The following NKAIN2 variants were observed in gnomAD, a reference collection of about 807,000 sequenced individuals.
NKAIN2 encodes the protein sodium/potassium-transporting ATPase subunit beta-1-interacting protein 2.
In NKAIN2, 14 loss-of-function variants were observed where a neutral mutation model predicts 32.6. The observed-to-expected ratio is 0.43, with a 90% CI of 0.28 to 0.67. NKAIN2 has a LOEUF of 0.67. Ranked by LOEUF, NKAIN2 falls within the 30% of genes least tolerant of loss-of-function variation. The pLI, the probability that NKAIN2 is intolerant of heterozygous loss-of-function variation, is 0.17. For synonymous variants in NKAIN2, 80 were observed against 87.2 expected, an observed-to-expected ratio of 0.92 and a Z score of 0.46; for missense variants, 198 against 258.3, an observed-to-expected ratio of 0.77 and a Z score of 1.60.
chr6:124,417,118 A>G (rs1583219912), intron 3 of NKAIN2, among the ~76,000 whole-genome samples: 1 of 152,238 alleles, frequency 6.6e-6, no homozygotes, highest in South Asian at 2.1e-4. Context: ...ATGAGAAAAG[A>G]TGATAAATAG....
chr6:124,648,024 T>A (rs1390889440), intron 3 of NKAIN2, among the ~76,000 whole-genome samples: 1 of 152,184 alleles, frequency 6.6e-6, no homozygotes, highest in Non-Finnish European at 1.5e-5. Flanking sequence ...GAAGAGAGAC[T>A]TCAATATTGA....
intron 1 of NKAIN2, among the ~76,000 whole-genome samples, chr6:124,039,070 T>C (rs991545098): frequency 6.6e-6 from 1 of 152,116 alleles, no homozygotes. Flanking sequence ...ATAGGATCTT[T>C]TTAACATCTG....
intron 3 of NKAIN2, among the ~76,000 whole-genome samples, chr6:124,600,986 G>A (rs542634087): frequency 6.6e-6 from 1 of 152,154 alleles, no homozygotes; most frequent in African/African-American, 2.4e-5. Flanking sequence ...TGAAAGCACT[G>A]ACCTTCTGCT....
chr6:124,134,098 A>T (rs185355272), intron 1 of NKAIN2, among the ~76,000 whole-genome samples: 6 of 149,228 alleles, frequency 4.0e-5, no homozygotes, highest in Non-Finnish European at 7.4e-5. Context: ...ATACCAAGAA[A>T]AAGGTGAAAA....
intron 3 of NKAIN2, among the ~76,000 whole-genome samples, chr6:124,417,085 G>A (rs1774522855): frequency 6.6e-6 from 1 of 152,114 alleles, no homozygotes; most frequent in East Asian, 1.9e-4. Context: ...AGCATATTAA[G>A]AATTAGGCAG....
chr6:124,674,689 T>A (rs992971814), intron 4 of NKAIN2, among the ~76,000 whole-genome samples: 2 of 152,054 alleles, frequency 1.3e-5, no homozygotes, highest in East Asian at 3.8e-4. Context: ...TACAACTGAT[T>A]TTTTTGTGTT....
At chr6:124,041,255 A>G (rs1351108495) in intron 1 of NKAIN2, among the ~76,000 whole-genome samples, 1 of 151,974 alleles carries the variant, frequency 6.6e-6, no homozygotes, top group Non-Finnish European at 1.5e-5. Context: ...GCATGCTTTT[A>G]ATGATCATTA....
chr6:123,899,749 G>T (rs946309570), intron 1 of NKAIN2, among the ~76,000 whole-genome samples: 7 of 152,144 alleles, frequency 4.6e-5, no homozygotes, highest in African/African-American at 1.7e-4. Flanking sequence ...GAGAGGTGGG[G>T]ATTGTGACTT....
intron 1 of NKAIN2, among the ~76,000 whole-genome samples, chr6:124,117,598 CAT>C (rs1310218910): frequency 6.6e-6 from 1 of 152,086 alleles, no homozygotes; most frequent in Non-Finnish European, 1.5e-5. Context: ...AAGGTCTTAA[CAT>C]ATGTAACAAA....
chr6:124,424,672 T>G (rs1442584607), intron 3 of NKAIN2, among the ~76,000 whole-genome samples: 2 of 151,960 alleles, frequency 1.3e-5, no homozygotes, highest in Non-Finnish European at 2.9e-5. Context: ...TCATGCAATG[T>G]TTTTCTTTTT....
At chr6:123,827,258 G>T (rs1353620328) in intron 1 of NKAIN2, among the ~76,000 whole-genome samples, 1 of 152,138 alleles carries the variant, frequency 6.6e-6, no homozygotes, top group South Asian at 2.1e-4. Flanking sequence ...TGGTGTTGAA[G>T]TGTATTAATG....
chr6:124,561,133 T>C (rs564350653), intron 3 of NKAIN2, among the ~76,000 whole-genome samples: 1 of 152,252 alleles, frequency 6.6e-6, no homozygotes, highest in South Asian at 2.1e-4. Context: ...GAATGATTAC[T>C]GAGGGGAAAA....
At chr6:124,662,220 A>C (rs529792335) in intron 4 of NKAIN2, among the ~76,000 whole-genome samples, 24 of 152,314 alleles carry the variant, frequency 1.6e-4, no homozygotes, top group Non-Finnish European at 2.9e-4. Context: ...CACATTTATT[A>C]TGCACATATT....
intron 3 of NKAIN2, among the ~76,000 whole-genome samples, chr6:124,473,427 A>G (rs1346400667): frequency 6.6e-6 from 1 of 152,170 alleles, no homozygotes; most frequent in African/African-American, 2.4e-5. Flanking sequence ...AATAAGATAT[A>G]CAGATTGTGT....
chr6:124,247,046 C>G (rs978722520), intron 1 of NKAIN2, among the ~76,000 whole-genome samples: 9 of 152,076 alleles, frequency 5.9e-5, no homozygotes, highest in African/African-American at 1.9e-4. Flanking sequence ...ATTTCAGAAC[C>G]AGCAGGGAGA....
chr6:124,791,325 C>A lies in NKAIN2; in HGVS notation c.475-14C>A. 6.2e-7 allele frequency: 1 copy of A among 1,604,302 alleles called. No homozygotes were observed. The highest frequency in any genetic ancestry group is 8.5e-7 in the Non-Finnish European group (1 of 1,172,530). ...CCTTTTTCTGATGTCTAAAGCATCTCTGTTTTGTTTCAGCTGGCAGGTTTC... is the reference window on the plus strand; with the variant it reads ...CCTTTTTCTGATGTCTAAAGCATCTATGTTTTGTTTCAGCTGGCAGGTTTC... On this transcript the variant is annotated splice_polypyrimidine_tract_variant and intron_variant, in intron 4 of 6. Transcript: ENST00000368417.
At chr6:123,893,377 A>G (rs985975587) in intron 1 of NKAIN2, among the ~76,000 whole-genome samples, 8 of 152,106 alleles carry the variant, frequency 5.3e-5, no homozygotes, top group African/African-American at 1.9e-4. Flanking sequence ...ATTAAAAACA[A>G]AAATTCTTTT....
intron 1 of NKAIN2, among the ~76,000 whole-genome samples, chr6:124,187,068 A>G (rs888729631): frequency 6.6e-6 from 1 of 152,148 alleles, no homozygotes; most frequent in East Asian, 1.9e-4. Flanking sequence ...ACCTTTCCAC[A>G]TAGCTTTGTT....
At chr6:124,279,232 G>A (rs774207044) in intron 1 of NKAIN2, among the ~76,000 whole-genome samples, 1 of 152,212 alleles carries the variant, frequency 6.6e-6, no homozygotes, top group Non-Finnish European at 1.5e-5. Flanking sequence ...TTTTGGCCAG[G>A]TGCAGTGGCT....
Sources: gnomAD v4.1 joint callset for allele counts (sites outside exome capture counted in the v4.1 genomes callset) on GRCh38, gnomAD v4.1.1 for gene constraint, MANE v1.5 for transcripts, NCBI Gene and HGNC (gene_info 2026-07-23, HGNC 2026-07-21) for gene names.